Variants in SALL4 observed in about 807,000 individuals in gnomAD.
SALL4 encodes sal-like protein 4.
In SALL4, 4 loss-of-function variants were observed where a neutral mutation model predicts 60.8. That is an observed-to-expected ratio of 0.07 (90% confidence interval 0.03 to 0.15). The LOEUF (loss-of-function observed/expected upper bound fraction) is 0.15. Ranked by LOEUF, SALL4 falls within the 10% of genes least tolerant of loss-of-function variation. The probability of loss-of-function intolerance (pLI) is 1.00; values close to 1 mark genes in which losing one functional copy is unlikely to be tolerated. For synonymous variants in SALL4, 580 were observed against 574.9 expected (o/e 1.01, Z -0.13); for missense variants, 1,178 against 1,394.7 (o/e 0.84, Z 2.48).
At chr20:51,785,626 C>A (rs11905145) in intron 3 of SALL4, among the ~76,000 whole-genome samples, 4 of 151,886 alleles carry the variant, frequency 2.6e-5, no homozygotes, top group Admixed American at 1.3e-4. Context: ...ATCCAAGTGC[C>A]AGGGTTAACA....
chr20:51,795,264 G>A (rs1362035750), intron 1 of SALL4, among the ~76,000 whole-genome samples: 2 of 152,040 alleles, frequency 1.3e-5, no homozygotes, highest in East Asian at 1.9e-4. Context: ...AAAATTAGCC[G>A]AGCACGGTGG....
rs1413021378 is a variant in SALL4 at position 51,784,099 on chromosome 20, A to G, written c.*166T>C. ...CTTTTTGCAAAGCAGCATAGCAACA[A>G]TCGTGATTGTAGCACTTGCCTGAGG... On this transcript the variant is annotated 3_prime_UTR_variant, in exon 4 of 4. Coordinates refer to ENST00000217086, the MANE Select transcript of SALL4 (RefSeq NM_020436.5). The G allele has an allele frequency of 2.7e-6, 2 of 754,378 alleles. No individual in the cohort carries two copies. The highest frequency in any genetic ancestry group is 2.2e-6 in the Non-Finnish European group (1 of 458,028). The allele number at this position is 754,378 out of a possible 1,614,324, so 46.7% of individuals were successfully genotyped here. A position where few individuals can be genotyped will look rare whatever the true frequency, so the allele number is the denominator to read the frequency against.
intron 3 of SALL4, among the ~76,000 whole-genome samples, chr20:51,786,952 G>A (rs552831090): frequency 1.3e-4 from 20 of 152,024 alleles, no homozygotes; most frequent in Admixed American, 1.1e-3. Context: ...AACAGTAGCC[G>A]GGTATGGTGG....
chr20:51,799,233 C>T (rs2078096364), intron 1 of SALL4, among the ~76,000 whole-genome samples: 1 of 152,144 alleles, frequency 6.6e-6, no homozygotes, highest in African/African-American at 2.4e-5. Flanking sequence ...ATTATCTAAA[C>T]AGGGCATTTT....
Position 51,791,511 on chromosome 20 carries a change from C to A in SALL4, c.972G>T (p.Pro324=). The change falls in exon 2 of 4, where the codon CCG becomes CCT. Residue 324 remains proline, a synonymous_variant. Transcript: ENST00000217086. The surrounding 1 kb of genome is among the most constrained non-coding windows in gnomAD (Gnocchi z 4.6). ...TLKPDGTRVL[P]NVMSRLPSAL... is the part of the protein sequence containing the mutation. ...CGCTCGGGAGGCGGGACATGACGTT[C>A]GGGAGCACCCGGGTCCCATCCGGCT... 3 of 1,613,978 alleles carry A rather than the reference C, an allele frequency of 1.9e-6. No homozygotes were observed. Among genetic ancestry groups the A allele is most frequent in the Non-Finnish European group, 1.7e-6 (2 of 1,180,008 alleles).
chr20:51,802,192 G>A, intron 1 of SALL4, 87 bp downstream of exon 1: 2 of 1,461,630 alleles, frequency 1.4e-6, no homozygotes, highest in South Asian at 1.4e-5. Context: ...GCTGGACGCC[G>A]CCCGCTCCCC....
Position 51,791,620 on chromosome 20 carries a change from G to A in SALL4, c.863C>T (p.Ala288Val). 7 of 1,613,732 alleles carry A rather than the reference G, an allele frequency of 4.3e-6. No individual in the cohort carries two copies. The highest frequency in any genetic ancestry group is 5.9e-6 in the Non-Finnish European group (7 of 1,180,030). ...KAGSQGLSLD[A>V]LKQAKLPHAN... ...GTGAGGTAGCTTGGCTTGTTTCAAG[G>A]CATCCAGAGACAGACCTTGGCTTCC... Residue 288 changes from alanine to valine, a missense_variant, in exon 2 of 4, where the codon GCC becomes GTC. Physicochemically the swap from Ala to Val is moderately conservative, Grantham distance 64. Transcript: ENST00000217086. The surrounding 1 kb of genome is among the most constrained non-coding windows in gnomAD (Gnocchi z 4.6).
chr20:51,786,957 T>C (rs959385321), intron 3 of SALL4, among the ~76,000 whole-genome samples: 1 of 151,940 alleles, frequency 6.6e-6, no homozygotes, highest in African/African-American at 2.4e-5. Flanking sequence ...TAGCCGGGTA[T>C]GGTGGCACAC....
At chr20:51,796,493 G>A (rs781308395) in intron 1 of SALL4, among the ~76,000 whole-genome samples, 6 of 152,156 alleles carry the variant, frequency 3.9e-5, no homozygotes, top group Non-Finnish European at 7.3e-5. Context: ...ATTACTGTCC[G>A]TGTCTTTTAT....
At position 51,791,498 on chromosome 20, in the gene SALL4, G is replaced by A. The variant is rs370973464; in HGVS notation, c.985C>T (p.Arg329Cys). The A allele has an allele frequency of 3.6e-5, 58 of 1,614,058 alleles. 1 individual carries two copies. The highest frequency in any genetic ancestry group is 1.5e-4 in the Admixed American group (9 of 60,022). Residue 329 changes from arginine (R) to cysteine (C), a missense_variant, in exon 2 of 4, where the codon CGC becomes TGC. Physicochemically the swap from Arg to Cys is radical, Grantham distance 180. Coordinates refer to ENST00000217086, the MANE Select transcript of SALL4 (RefSeq NM_020436.5). The surrounding 1 kb of genome is among the most constrained non-coding windows in gnomAD (Gnocchi z 4.6). Reference sequence around the variant, plus strand: ...TGAGGAAGCAAAGCGCTCGGGAGGCGGGACATGACGTTCGGGAGCACCCGG... The same window carrying A: ...TGAGGAAGCAAAGCGCTCGGGAGGCAGGACATGACGTTCGGGAGCACCCGG... ...GTRVLPNVMS[R>C]LPSALLPQAP...
Position 51,792,349 on chromosome 20 carries a change from G to C in SALL4, c.134C>G (p.Ala45Gly), listed in dbSNP as rs747932492. The C allele has an allele frequency of 6.2e-7, 1 of 1,602,344 alleles. No individual in the cohort carries two copies. The highest frequency in any genetic ancestry group is 8.5e-7 in the Non-Finnish European group (1 of 1,179,972). ...PAAPAAGELG[A>G]PVNHPGNDEV... ...GTCATTCCCTGGGTGGTTCACTGGAGCACCTGTAACAAGACAGAAAAAGCT... is the reference window on the plus strand; with the variant it reads ...GTCATTCCCTGGGTGGTTCACTGGACCACCTGTAACAAGACAGAAAAAGCT... Residue 45 changes from alanine to glycine, a missense_variant, in exon 2 of 4, where the codon GCT (alanine) becomes GGT (glycine). Physicochemically the swap from Ala to Gly is moderately conservative, Grantham distance 60. This residue lies in a region of SALL4 where 108 missense variants were observed against 95.7 expected (regional missense o/e 1.13). Coordinates refer to ENST00000217086, the MANE Select transcript of SALL4 (RefSeq NM_020436.5).
In SALL4 at chr20:51,791,853, G is replaced by A; in HGVS notation, c.630C>T (p.Ser210=). Residue 210 remains serine (S), a synonymous_variant, in exon 2 of 4, where the codon AGC becomes AGT. Transcript: ENST00000217086. The surrounding 1 kb of genome is among the most constrained non-coding windows in gnomAD (Gnocchi z 4.6). ...AGATCTGCTCGAGGACCCACGGGATGCTGTTGGCACCAGGCACGGGGGCAG... is the reference window on the plus strand; with the variant it reads ...AGATCTGCTCGAGGACCCACGGGATACTGTTGGCACCAGGCACGGGGGCAG... ...ALPAPVPGAN[S]IPWVLEQILC... is the part of the protein sequence containing the mutation. 6.2e-7 allele frequency: 1 copy of A among 1,614,182 alleles called. No individual in the cohort carries two copies. The highest frequency in any genetic ancestry group is 1.1e-5 in the South Asian group (1 of 91,088).
At chr20:51,795,310 G>C (rs1259534413) in intron 1 of SALL4, among the ~76,000 whole-genome samples, 4 of 152,178 alleles carry the variant, frequency 2.6e-5, no homozygotes, top group Admixed American at 2.6e-4. Context: ...GGGAGGCTGA[G>C]GCAGGAGAAT....
rs148435082 is a variant in SALL4, at chr20:51,790,986, C to T, written c.1497G>A (p.Thr499=). 34 of 1,614,174 alleles carry T rather than the reference C, an allele frequency of 2.1e-5. No individual in the cohort carries two copies. Among genetic ancestry groups the T allele is most frequent in the East Asian group, 6.7e-5 (3 of 44,884 alleles). ...GCAGGTCACCGGGCAAGGAGCCACC[C>T]GTGAGGTCCTTGGGATTAGTCCCCG... ...LSSGTNPKDL[T]GGSLPGDLQP... is the part of the protein sequence containing the mutation. Residue 499 remains threonine (T), a synonymous_variant, in exon 2 of 4, where the codon ACG becomes ACA. Transcript: ENST00000217086. This position sits in a 1 kb window ranked among gnomAD's most constrained non-coding sequence, Gnocchi z 5.5.
At chr20:51,786,048 T>C (rs945096243) in intron 3 of SALL4, among the ~76,000 whole-genome samples, 17 of 148,994 alleles carry the variant, frequency 1.1e-4, no homozygotes, top group African/African-American at 1.7e-4. Flanking sequence ...GCTTCCTGAG[T>C]ACCTGGGACT....
Position 51,790,964 on chromosome 20 carries a change from G to A in SALL4, c.1519C>T (p.Leu507=), listed in dbSNP as rs1463140528. The A allele has an allele frequency of 1.3e-5, 21 of 1,614,076 alleles. No individual in the cohort carries two copies. The highest frequency in any genetic ancestry group is 1.7e-5 in the Non-Finnish European group (20 of 1,180,040). The part of the protein sequence containing the change: ...DLTGGSLPGD[L]QPGPSPESEG... ...CTTTCTGGAGAAGGCCCAGGCTGCA[G>A]GTCACCGGGCAAGGAGCCACCCGTG... Residue 507 remains leucine (L), a synonymous_variant, in exon 2 of 4, where the codon CTG becomes TTG. Coordinates refer to ENST00000217086, the MANE Select transcript of SALL4 (RefSeq NM_020436.5). This position sits in a 1 kb window ranked among gnomAD's most constrained non-coding sequence, Gnocchi z 5.5.
Position 51,788,515 on chromosome 20 carries a change from C to T in SALL4, c.2742+346G>A, listed in dbSNP as rs2078008892. The stretch of plus-strand genomic sequence containing the variant: ...ACCATCCTGGCTAACGCGGTGAAAC[C>T]CCACCTCTACTAAAAATACAAAAAA... On this transcript the variant is annotated intron_variant, in intron 3 of 3. Coordinates refer to ENST00000217086, the MANE Select transcript of SALL4 (RefSeq NM_020436.5). This position sits in a 1 kb window ranked among gnomAD's most constrained non-coding sequence, Gnocchi z 4.1. Among the ~76,000 whole-genome samples, 1 of 151,980 alleles carries T rather than the reference C, an allele frequency of 6.6e-6. No homozygotes were observed. Among genetic ancestry groups the T allele is most frequent in the Admixed American group, 6.6e-5 (1 of 15,240 alleles).
chr20:51,799,225 T>C (rs1349949398), intron 1 of SALL4, among the ~76,000 whole-genome samples: 1 of 152,150 alleles, frequency 6.6e-6, no homozygotes, highest in Non-Finnish European at 1.5e-5. Flanking sequence ...TAGTTGAAAT[T>C]ATCTAAACAG....
rs2078104264 is a variant in SALL4 at position 51,800,719 on chromosome 20, C to A, written c.130+1560G>T. Reference sequence around the variant, plus strand: ...CAGGCCACGAAGCCTTCACGCTCCCCTCAACCCCCACCCCACCCCGCCCCC... The same window carrying A: ...CAGGCCACGAAGCCTTCACGCTCCCATCAACCCCCACCCCACCCCGCCCCC... On this transcript the variant is annotated intron_variant, in intron 1 of 3. Transcript: ENST00000217086. Among the ~76,000 whole-genome samples the A allele has an allele frequency of 2.6e-5, 4 of 152,130 alleles. No homozygotes were observed. The South Asian group carries it at 8.3e-4, about 32-fold the overall frequency.
Sources: gnomAD v4.1 joint callset for allele counts (sites outside exome capture counted in the v4.1 genomes callset) on GRCh38, gnomAD v4.1.1 for gene constraint, gnomAD v4.1.1 regional missense constraint, Gnocchi (gnomAD v3.1) non-coding constraint, MANE v1.5 for transcripts, NCBI Gene and HGNC (gene_info 2026-07-23, HGNC 2026-07-21) for gene names.